CBFA2T2: variants seen among roughly 807,000 people sequenced by gnomAD.
CBFA2T2 encodes protein CBFA2T2.
A neutral mutation model predicts 62.2 loss-of-function variants in CBFA2T2; 11 were observed. The ratio of observed to expected loss-of-function variants is 0.18; its 90% confidence interval spans 0.11 to 0.29. The LOEUF (loss-of-function observed/expected upper bound fraction) is 0.29, where lower values mean the gene tolerates loss of function less well. CBFA2T2 is among the 10% of genes least tolerant of loss of function. CBFA2T2 has a pLI of 1.00. For missense variants in CBFA2T2, 592 were observed against 774.1 expected (o/e 0.76, Z 2.79); for synonymous variants, 295 against 287.5 (o/e 1.03, Z -0.27).
intron 1 of CBFA2T2, among the ~76,000 whole-genome samples, chr20:33,593,089 TG>T (rs1347176869): frequency 1.3e-5 from 2 of 152,102 alleles, no homozygotes; most frequent in African/African-American, 2.4e-5. Flanking sequence ...CTAATAGTTG[TG>T]GGAGGCCAAG....
intron 9 of CBFA2T2, among the ~76,000 whole-genome samples, chr20:33,637,555 G>A (rs1033765740): frequency 6.6e-6 from 1 of 151,930 alleles, no homozygotes; most frequent in South Asian, 2.1e-4. Context: ...GTCTTTAACC[G>A]TCCGTTATTG....
At chr20:33,547,689 G>GTT (rs2012620153) in intron 1 of CBFA2T2, among the ~76,000 whole-genome samples, 1 of 93,134 alleles carries the variant, frequency 1.1e-5, no homozygotes, top group African/African-American at 6.6e-5. Context: ...TCAAAAAAAT[G>GTT]TGTGTGTGTG....
chr20:33,510,203 C>CT (rs1297578531), intron 1 of CBFA2T2, among the ~76,000 whole-genome samples: 1 of 150,592 alleles, frequency 6.6e-6, no homozygotes, highest in Non-Finnish European at 1.5e-5. Flanking sequence ...GCCACTTTTT[C>CT]TTTTTTTCTT....
chr20:33,554,771 G>A (rs2146887654), intron 1 of CBFA2T2, among the ~76,000 whole-genome samples: 1 of 151,694 alleles, frequency 6.6e-6, no homozygotes, highest in Admixed American at 6.6e-5. Flanking sequence ...ATTTTTATGT[G>A]CTAGATGAGA....
rs1450564799 is a variant in CBFA2T2, at chr20:33,637,376, T to TA, written c.1297+669dup. On this transcript the variant is annotated intron_variant, in intron 9 of 10. Transcript: ENST00000342704. ...TTTATTTCTACAAAAATGTAATACC[T>TA]ACATTCATAAAGACTCTTTTAAGAG... Among the ~76,000 whole-genome samples, 8 of 152,360 alleles carry TA rather than the reference T, an allele frequency of 5.3e-5. No individual in the cohort carries two copies. The East Asian group carries it at 1.3e-3, about 26-fold the overall frequency.
chr20:33,554,213 A>G (rs1193572409), intron 1 of CBFA2T2, among the ~76,000 whole-genome samples: 1 of 152,022 alleles, frequency 6.6e-6, no homozygotes, highest in African/African-American at 2.4e-5. Flanking sequence ...AATGAAAAGC[A>G]AATTCACTAT....
intron 1 of CBFA2T2, among the ~76,000 whole-genome samples, chr20:33,551,750 T>C (rs2012749000): frequency 6.6e-6 from 1 of 152,088 alleles, no homozygotes; most frequent in Non-Finnish European, 1.5e-5. Context: ...CAGGCTGGTC[T>C]TGAACTCCTG....
intron 1 of CBFA2T2, among the ~76,000 whole-genome samples, chr20:33,584,677 C>T (rs2014287800): frequency 6.6e-6 from 1 of 152,060 alleles, no homozygotes; most frequent in African/African-American, 2.4e-5. Flanking sequence ...TGATGGTGGT[C>T]ATGATGGCAA....
chr20:33,494,250 T>C, intron 1 of CBFA2T2, among the ~76,000 whole-genome samples: 1 of 48,556 alleles, frequency 2.1e-5, no homozygotes, highest in African/African-American at 8.2e-5. Context: ...TGTGTATATA[T>C]ATATATATAT....
intron 1 of CBFA2T2, among the ~76,000 whole-genome samples, chr20:33,504,578 A>G (rs1483541045): frequency 6.6e-6 from 1 of 151,548 alleles, no homozygotes; most frequent in Non-Finnish European, 1.5e-5. Context: ...TAATTTTTGT[A>G]TTTTTAGTAG....
At chr20:33,592,784 T>TA (rs754187351) in intron 1 of CBFA2T2, among the ~76,000 whole-genome samples, 2 of 152,004 alleles carry the variant, frequency 1.3e-5, no homozygotes, top group Non-Finnish European at 2.9e-5. Flanking sequence ...CACTGCCACT[T>TA]AAAAAAACCC....
At chr20:33,509,681 T>G (rs1292525522) in intron 1 of CBFA2T2, among the ~76,000 whole-genome samples, 1 of 151,938 alleles carries the variant, frequency 6.6e-6, no homozygotes, top group Non-Finnish European at 1.5e-5. Context: ...ATACAAAAAT[T>G]AGCTGAGCAT....
chr20:33,509,618 A>G (rs2011473256), intron 1 of CBFA2T2, among the ~76,000 whole-genome samples: 1 of 152,000 alleles, frequency 6.6e-6, no homozygotes, highest in African/African-American at 2.4e-5. Flanking sequence ...ATTTGAGGTC[A>G]GGAGTTTGAG....
chr20:33,552,366 G>T (rs1385533528), intron 1 of CBFA2T2, among the ~76,000 whole-genome samples: 1 of 152,128 alleles, frequency 6.6e-6, no homozygotes, highest in Non-Finnish European at 1.5e-5. Context: ...GTGACACCTG[G>T]TCCTGTCTTC....
intron 1 of CBFA2T2, 50 bp from the exon 2 acceptor site, chr20:33,606,906 T>A (rs965096431): frequency 2.5e-6 from 4 of 1,588,412 alleles, no homozygotes; most frequent in Admixed American, 3.4e-5. Context: ...GTTGTCTGTT[T>A]TTGCAAACTT....
At chr20:33,536,176 GCTGTTGGGT>G (rs1383281548) in intron 1 of CBFA2T2, among the ~76,000 whole-genome samples, 4 of 152,174 alleles carry the variant, frequency 2.6e-5, no homozygotes, top group Non-Finnish European at 4.4e-5. Flanking sequence ...TTCTCAATGA[GCTGTTGGGT>G]ACACCTCCCA....
chr20:33,635,480 G>C lies in CBFA2T2; in HGVS notation c.1229-1160G>C, dbSNP rs139100700. Among the ~76,000 whole-genome samples, 1,320 of 152,318 alleles carry C rather than the reference G, an allele frequency of 8.7e-3. 12 individuals are homozygous for C. Among genetic ancestry groups the C allele is most frequent in the African/African-American group, 0.029 (1,207 of 41,542 alleles). ...CCTAGAAAGCGCCCAGTCCACGCTG[G>C]AACAGCCCAGAACCTTGCTAGAGAT... On this transcript the variant is annotated intron_variant, in intron 8 of 10. Transcript: ENST00000342704.
chr20:33,491,741 G>A (rs556827988), intron 1 of CBFA2T2, among the ~76,000 whole-genome samples: 2 of 150,782 alleles, frequency 1.3e-5, no homozygotes, highest in African/African-American at 2.4e-5. Context: ...TTGCTCTGTC[G>A]CCCAGACTGG....
chr20:33,584,532 C>T (rs554199474), intron 1 of CBFA2T2, among the ~76,000 whole-genome samples: 2 of 152,230 alleles, frequency 1.3e-5, no homozygotes, highest in Admixed American at 6.5e-5. Flanking sequence ...GCTGAGATTA[C>T]AGGCGTGAGC....
Sources: gnomAD v4.1 joint callset for allele counts (sites outside exome capture counted in the v4.1 genomes callset) on GRCh38, gnomAD v4.1.1 for gene constraint, MANE v1.5 for transcripts, NCBI Gene and HGNC (gene_info 2026-07-23, HGNC 2026-07-21) for gene names.